LRP6: variants seen among roughly 807,000 people sequenced by gnomAD.
LRP6 encodes LDL receptor related protein 6, also known as low-density lipoprotein receptor-related protein 6.
LRP6 carries 43 observed loss-of-function variants against 184.1 expected under a neutral mutation model. The ratio of observed to expected loss-of-function variants is 0.23; its 90% confidence interval spans 0.18 to 0.30. LRP6 has a LOEUF of 0.30. Ranked by LOEUF, LRP6 falls within the 10% of genes least tolerant of loss-of-function variation. The probability of loss-of-function intolerance (pLI) is 1.00; values close to 1 mark genes in which losing one functional copy is unlikely to be tolerated. For synonymous variants in LRP6, 719 were observed against 684.9 expected (o/e 1.05, Z -0.78); for missense variants, 1,571 against 2,005.3 (o/e 0.78, Z 4.14).
chr12:12,177,039 G>A (rs964567144), intron 7 of LRP6, among the ~76,000 whole-genome samples: 1 of 151,706 alleles, frequency 6.6e-6, no homozygotes, highest in East Asian at 1.9e-4. Context: ...CTACAGACAG[G>A]GTTTCACCAT....
At chr12:12,244,124 T>C in intron 2 of LRP6, 138 bp downstream of exon 2, 1 of 829,444 alleles carries the variant, frequency 1.2e-6, no homozygotes, top group South Asian at 1.5e-5. Context: ...CATTCAAGTC[T>C]ACTCAACAAA....
chr12:12,160,055 A>G, intron 10 of LRP6, 91 bp from the exon 11 acceptor site: 1 of 932,980 alleles, frequency 1.1e-6, no homozygotes, highest in South Asian at 1.8e-5. Context: ...AATAAATTTA[A>G]AGAAAACATA....
intron 1 of LRP6, among the ~76,000 whole-genome samples, chr12:12,259,250 G>T (rs868639265): frequency 7.2e-6 from 1 of 139,194 alleles, no homozygotes. Flanking sequence ...GTGACAGAGC[G>T]AGACTCCATC....
At chr12:12,250,483 C>CA (rs939377545) in intron 1 of LRP6, among the ~76,000 whole-genome samples, 8 of 145,978 alleles carry the variant, frequency 5.5e-5, no homozygotes, top group Non-Finnish European at 4.5e-5. Flanking sequence ...ATGATATTAG[C>CA]TTTTTTTTTT....
At position 12,126,792 on chromosome 12, in the gene LRP6, C is replaced by G. The variant is rs1949677844; in HGVS notation, c.4211G>C (p.Gly1404Ala). 6.2e-7 allele frequency: 1 copy of G among 1,614,092 alleles called. No individual in the cohort carries two copies. Among genetic ancestry groups the G allele is most frequent in the Non-Finnish European group, 8.5e-7 (1 of 1,179,962 alleles). ...CQRMLCPRMKGDGETMTNDYV... is the reference protein window; with the variant it reads ...CQRMLCPRMKADGETMTNDYV... ...GTCATTAGTCATAGTTTCCCCATCTCCCTTCATACGTGGACACAACATCCT... is the reference window on the plus strand; with the variant it reads ...GTCATTAGTCATAGTTTCCCCATCTGCCTTCATACGTGGACACAACATCCT... The change falls in exon 20 of 23, where the codon GGA (glycine) becomes GCA (alanine). Residue 1404 changes from glycine to alanine, a missense_variant. Coordinates refer to ENST00000261349, the MANE Select transcript of LRP6 (RefSeq NM_002336.3).
At chr12:12,140,605 CTT>C (rs145009698) in intron 15 of LRP6, among the ~76,000 whole-genome samples, 1,764 of 137,932 alleles carry the variant, frequency 0.013, 32 homozygotes, top group African/African-American at 0.039. Context: ...TTTTAAAAAT[CTT>C]TTTTTTTTTT....
intron 2 of LRP6, among the ~76,000 whole-genome samples, chr12:12,226,041 C>G (rs1240680905): frequency 6.6e-6 from 1 of 152,072 alleles, no homozygotes; most frequent in Non-Finnish European, 1.5e-5. Flanking sequence ...TCCCTCTCCC[C>G]GTCTACACAG....
chr12:12,179,073 A>G (rs1392134395), intron 7 of LRP6, among the ~76,000 whole-genome samples: 1 of 152,220 alleles, frequency 6.6e-6, no homozygotes, highest in African/African-American at 2.4e-5. Context: ...TAAGACCTGT[A>G]GCAAAGTCTA....
At position 12,120,454 on chromosome 12, in the gene LRP6, C is replaced by T. The variant is rs1046767553; in HGVS notation, c.*672G>A. On this transcript the variant is annotated 3_prime_UTR_variant, in exon 23 of 23. Coordinates refer to ENST00000261349, the MANE Select transcript of LRP6 (RefSeq NM_002336.3). ...GAGGTATGGATTCTAAAGGTAGGGACAGAGACTTGCACACACACACAGCTT... is the reference window on the plus strand; with the variant it reads ...GAGGTATGGATTCTAAAGGTAGGGATAGAGACTTGCACACACACACAGCTT... 3.9e-5 allele frequency: 6 copies of T among 152,034 alleles called. No individual in the cohort carries two copies. Among genetic ancestry groups the T allele is most frequent in the African/African-American group, 1.5e-4 (6 of 41,356 alleles). 9.4% of individuals were successfully genotyped at this position (152,034 alleles called of 1,614,324 possible). A position where few individuals can be genotyped will look rare whatever the true frequency, so the allele number is the denominator to read the frequency against.
chr12:12,124,611 C>T lies in LRP6; in HGVS notation c.4501G>A (p.Glu1501Lys). The change falls in exon 22 of 23, where the codon GAA becomes AAA. Residue 1501 changes from glutamate (E) to lysine (K), a missense_variant. Glu to Lys is a moderately conservative substitution (Grantham distance 56). Coordinates refer to ENST00000261349, the MANE Select transcript of LRP6 (RefSeq NM_002336.3). ...GGACTGTTTGAAGAATATCCAAATT[C>T]CATAGTGTAATGTGATCGCTCTGTG... The part of the protein sequence containing the change: ...PATERSHYTM[E>K]FGYSSNSPST... The T allele has an allele frequency of 6.2e-7, 1 of 1,613,840 alleles. No homozygotes were observed. Among genetic ancestry groups the T allele is most frequent in the Non-Finnish European group, 8.5e-7 (1 of 1,179,834 alleles).
At position 12,147,627 on chromosome 12, in the gene LRP6, A is replaced by T. The variant is rs1043251505; in HGVS notation, c.3207-71T>A. 3.4e-6 allele frequency: 4 copies of T among 1,171,506 alleles called. No individual in the cohort carries two copies. The African/African-American group carries it at 4.6e-5, about 13-fold the overall frequency. 72.6% of individuals were successfully genotyped at this position (1,171,506 alleles called of 1,614,324 possible). A position where few individuals can be genotyped will look rare whatever the true frequency, so the allele number is the denominator to read the frequency against. ...ACATAAAATGAGGATATTCTTATTA[A>T]GACAAATGGAGGTAGAGTATTTTTA... On this transcript the variant is annotated intron_variant, in intron 14 of 22. Coordinates refer to ENST00000261349, the MANE Select transcript of LRP6 (RefSeq NM_002336.3).
At chr12:12,161,744 A>T (rs979545163) in intron 10 of LRP6, among the ~76,000 whole-genome samples, 1 of 152,188 alleles carries the variant, frequency 6.6e-6, no homozygotes, top group Non-Finnish European at 1.5e-5. Flanking sequence ...TATAATAATG[A>T]TCAAACCAAA....
At chr12:12,179,399 GATATAGAT>G (rs1863284044) in intron 7 of LRP6, among the ~76,000 whole-genome samples, 3 of 146,218 alleles carry the variant, frequency 2.1e-5, no homozygotes, top group Non-Finnish European at 4.6e-5. Flanking sequence ...TATAGATATA[GATATAGAT>G]ATAGATATAG....
At chr12:12,222,342 G>C (rs1290848577) in intron 2 of LRP6, among the ~76,000 whole-genome samples, 1 of 151,980 alleles carries the variant, frequency 6.6e-6, no homozygotes, top group Non-Finnish European at 1.5e-5. Context: ...GAGGCGGGCG[G>C]ATCACCTGAG....
At chr12:12,239,197 T>C (rs920188669) in intron 2 of LRP6, among the ~76,000 whole-genome samples, 1 of 152,218 alleles carries the variant, frequency 6.6e-6, no homozygotes, top group Admixed American at 6.5e-5. Context: ...GTAAGTTGTT[T>C]ACACCAAGAT....
intron 9 of LRP6, 106 bp downstream of exon 9, chr12:12,164,167 C>G: frequency 1.0e-6 from 1 of 987,596 alleles, no homozygotes; most frequent in Non-Finnish European, 1.5e-6. Flanking sequence ...TTGTTGAACT[C>G]TGCCTGTCAA....
chr12:12,213,522 G>C (rs993260539), intron 2 of LRP6, among the ~76,000 whole-genome samples: 8 of 151,896 alleles, frequency 5.3e-5, no homozygotes, highest in Admixed American at 3.9e-4. Flanking sequence ...AAATTTGGTT[G>C]AATCAGTATT....
chr12:12,148,923 C>G lies in LRP6; in HGVS notation c.3206+19G>C. ...AGTCTCAGAAGCCACAGTATCTGAA[C>G]GCCACTTTAGTAACATACCCTTTCT... On this transcript the variant is annotated intron_variant, in intron 14 of 22. Coordinates refer to ENST00000261349, the MANE Select transcript of LRP6 (RefSeq NM_002336.3). 1 of 1,594,096 alleles carries G rather than the reference C, an allele frequency of 6.3e-7. No individual in the cohort carries two copies. Among genetic ancestry groups the G allele is most frequent in the Non-Finnish European group, 8.6e-7 (1 of 1,163,286 alleles).
chr12:12,201,554 G>A (rs1863914347), intron 3 of LRP6, among the ~76,000 whole-genome samples: 1 of 152,144 alleles, frequency 6.6e-6, no homozygotes, highest in Non-Finnish European at 1.5e-5. Flanking sequence ...CGCATAGACA[G>A]TGATAACATG....
Sources: allele counts gnomAD v4.1 joint callset (sites outside exome capture counted in the v4.1 genomes callset), GRCh38; gene constraint gnomAD v4.1.1; transcripts MANE v1.5; gene names NCBI Gene and HGNC (gene_info 2026-07-23, HGNC 2026-07-21).